The following PRIM2 variants were observed in gnomAD, a reference collection of about 807,000 sequenced individuals.
PRIM2 encodes DNA primase subunit 2, also known as DNA primase large subunit.
PRIM2 carries 39 observed loss-of-function variants against 67.3 expected under a neutral mutation model. The ratio of observed to expected loss-of-function variants is 0.58; its 90% confidence interval spans 0.45 to 0.76. PRIM2 has a LOEUF of 0.76. PRIM2 is among the 30% of genes least tolerant of loss of function. The pLI is 0.00. For missense variants in PRIM2, 398 were observed against 598.7 expected, an observed-to-expected ratio of 0.66 and a Z score of 3.50; for synonymous variants, 143 against 198.7, an observed-to-expected ratio of 0.72 and a Z score of 2.36.
At chr6:57,502,147 C>A (rs1244291386) in intron 7 of PRIM2, among the ~76,000 whole-genome samples, 1 of 152,062 alleles carries the variant, frequency 6.6e-6, no homozygotes, top group Non-Finnish European at 1.5e-5. Flanking sequence ...ATTTTAAGCC[C>A]CCCAGCCAAG....
At chr6:57,430,895 G>A (rs1242783243) in intron 7 of PRIM2, among the ~76,000 whole-genome samples, 1 of 152,118 alleles carries the variant, frequency 6.6e-6, no homozygotes, top group Admixed American at 6.6e-5. Flanking sequence ...TTGACTTCAG[G>A]CATTTACTTC....
intron 7 of PRIM2, among the ~76,000 whole-genome samples, chr6:57,466,995 T>A (rs1420833668): frequency 6.7e-6 from 1 of 148,998 alleles, no homozygotes; most frequent in Non-Finnish European, 1.5e-5. Context: ...GGCACACCCG[T>A]ATAATCCCAG....
At chr6:57,439,533 A>G (rs1220149940) in intron 7 of PRIM2, among the ~76,000 whole-genome samples, 1 of 145,258 alleles carries the variant, frequency 6.9e-6, no homozygotes, top group Non-Finnish European at 1.5e-5. Flanking sequence ...CTCCTGCCTC[A>G]GCCTCCCGAG....
intron 7 of PRIM2, among the ~76,000 whole-genome samples, chr6:57,439,837 A>T (rs369931789): frequency 6.6e-6 from 1 of 152,246 alleles, no homozygotes; most frequent in African/African-American, 2.4e-5. Flanking sequence ...ATTGACATCC[A>T]GAATTTTTTG....
chr6:57,430,413 GT>G (rs1771778447), intron 7 of PRIM2, among the ~76,000 whole-genome samples: 1 of 145,850 alleles, frequency 6.9e-6, no homozygotes, highest in African/African-American at 2.5e-5. Context: ...AATTTTGTAT[GT>G]AATGTTAGCT....
At chr6:57,360,943 CT>C (rs5876539) in intron 5 of PRIM2, among the ~76,000 whole-genome samples, 1 of 151,790 alleles carries the variant, frequency 6.6e-6, no homozygotes, top group Non-Finnish European at 1.5e-5. Context: ...AGTGTTTTCT[CT>C]TTTTTTGCAG....
At chr6:57,513,625 G>A (rs1774415309) in intron 8 of PRIM2, among the ~76,000 whole-genome samples, 1 of 152,190 alleles carries the variant, frequency 6.6e-6, no homozygotes, top group Non-Finnish European at 1.5e-5. Context: ...TGGACGCGGT[G>A]GCTTACGCCT....
chr6:57,299,300 AT>A, the PRIM2 span, among the ~76,000 whole-genome samples: 11 of 152,220 alleles, frequency 7.2e-5, no homozygotes, highest in Non-Finnish European at 7.3e-5. Flanking sequence ...AATAAAAAAA[AT>A]CTCCTTACTA....
At position 57,645,957 on chromosome 6, in the gene PRIM2, T is replaced by C; in HGVS notation, c.1329T>C (p.His443=). The change falls in exon 14 of 14, where the codon CAT becomes CAC. Residue 443 remains histidine, a synonymous_variant. Transcript: ENST00000615550. ...NVDDCGFSLN[H]PNQFFCESQR... is the part of the protein sequence containing the mutation. The stretch of plus-strand genomic sequence containing the variant: ...ATGATTGTGGCTTTTCTTTGAATCA[T>C]CCTAATCAGTTCTTTTGTGAGAGCC... 3 of 1,598,100 alleles carry C rather than the reference T, an allele frequency of 1.9e-6. No individual in the cohort carries two copies. Among genetic ancestry groups the C allele is most frequent in the East Asian group, 2.2e-5 (1 of 44,758 alleles).
chr6:57,249,772 A>G, the PRIM2 span, among the ~76,000 whole-genome samples: 5 of 152,102 alleles, frequency 3.3e-5, no homozygotes, highest in East Asian at 3.8e-4. Flanking sequence ...AAGAATACCT[A>G]TGCTAACGTG....
chr6:57,382,444 T>A (rs1269833478), intron 7 of PRIM2: 1 of 269,892 alleles, frequency 3.7e-6, no homozygotes, highest in East Asian at 6.9e-5. Flanking sequence ...TTCATGGTCA[T>A]GTCTTTTTTC....
intron 7 of PRIM2, among the ~76,000 whole-genome samples, chr6:57,438,853 A>G (rs9475952): frequency 5.0e-4 from 75 of 149,616 alleles, no homozygotes; most frequent in African/African-American, 1.8e-3. Context: ...GCTCACTGCA[A>G]CCTCCGCCTC....
At chr6:57,606,614 T>C (rs1271118928) in intron 12 of PRIM2, among the ~76,000 whole-genome samples, 157 bp downstream of exon 12, 5 of 152,226 alleles carry the variant, frequency 3.3e-5, no homozygotes, top group Non-Finnish European at 5.9e-5. Flanking sequence ...CCTTGACTTA[T>C]CTGGTTTAGA....
At chr6:57,397,358 A>G (rs1441651274) in intron 7 of PRIM2, among the ~76,000 whole-genome samples, 3 of 152,068 alleles carry the variant, frequency 2.0e-5, no homozygotes, top group Non-Finnish European at 4.4e-5. Flanking sequence ...GGCTTTGTTC[A>G]TATTTTCATA....
chr6:57,318,374 T>G, intron 1 of PRIM2, 63 bp from the exon 2 acceptor site: 1 of 1,455,678 alleles, frequency 6.9e-7, no homozygotes, highest in Non-Finnish European at 9.2e-7. Flanking sequence ...TTCGTGTTTT[T>G]TCTTTTTTTT....
the PRIM2 span, among the ~76,000 whole-genome samples, chr6:57,226,900 C>T: frequency 6.6e-6 from 1 of 152,166 alleles, no homozygotes; most frequent in Non-Finnish European, 1.5e-5. Flanking sequence ...AGATTGGTCA[C>T]TAAGGGACTA....
the PRIM2 span, among the ~76,000 whole-genome samples, chr6:57,305,199 CA>C: frequency 6.6e-6 from 1 of 152,218 alleles, no homozygotes; most frequent in African/African-American, 2.4e-5. Flanking sequence ...CTTCAGTTTC[CA>C]AAAATCAGCC....
chr6:57,508,381 G>A (rs1774293547), intron 8 of PRIM2, among the ~76,000 whole-genome samples: 1 of 151,830 alleles, frequency 6.6e-6, no homozygotes, highest in African/African-American at 2.4e-5. Flanking sequence ...ATTATTGTTA[G>A]TGACTACATT....
chr6:57,637,321 A>C (rs1297739896), intron 13 of PRIM2, among the ~76,000 whole-genome samples: 7 of 152,234 alleles, frequency 4.6e-5, no homozygotes, highest in African/African-American at 1.7e-4. Flanking sequence ...AAAAAGGCTG[A>C]AAATTCCAAA....
Sources: allele counts gnomAD v4.1 joint callset (sites outside exome capture counted in the v4.1 genomes callset), GRCh38; gene constraint gnomAD v4.1.1; transcripts MANE v1.5; gene names NCBI Gene and HGNC (gene_info 2026-07-23, HGNC 2026-07-21).